SANBR: variants seen among roughly 807,000 people sequenced by gnomAD.
The protein encoded by SANBR is SANT and BTB domain regulator of class switch recombination.
In SANBR, 77 loss-of-function variants were observed where a neutral mutation model predicts 101.8. The ratio of observed to expected loss-of-function variants is 0.76; its 90% CI spans 0.63 to 0.91. The LOEUF is 0.91. Among genes scored for constraint, SANBR ranks in the 40% least tolerant of loss-of-function variants. The pLI, the probability that SANBR is intolerant of heterozygous loss-of-function variation, is 0.00. For missense variants in SANBR, 875 were observed against 853.0 expected (o/e 1.03, Z -0.32); for synonymous variants, 279 against 274.7 (o/e 1.02, Z -0.15).
At chr2:61,133,254 C>T (rs1428136332) in intron 20 of SANBR, among the ~76,000 whole-genome samples, 1 of 151,182 alleles carries the variant, frequency 6.6e-6, no homozygotes, top group Non-Finnish European at 1.5e-5. Flanking sequence ...AAGACTCTGT[C>T]TCAAAAAAAA....
intron 16 of SANBR, among the ~76,000 whole-genome samples, chr2:61,115,102 T>G (rs1045335860): frequency 2.6e-5 from 4 of 151,956 alleles, no homozygotes; most frequent in Non-Finnish European, 4.4e-5. Flanking sequence ...TCTGAAAGAG[T>G]TTGTGTAGGA....
intron 19 of SANBR, 24 bp from the exon 20 acceptor site, chr2:61,118,004 A>G (rs769304682): frequency 6.4e-7 from 1 of 1,570,322 alleles, no homozygotes; most frequent in Admixed American, 1.7e-5. Flanking sequence ...TGAAAAGTAA[A>G]GTTTACTGTT....
At chr2:61,097,896 A>AT (rs752052120) in intron 12 of SANBR, 44 bp downstream of exon 12, 1 of 1,506,902 alleles carries the variant, frequency 6.6e-7, no homozygotes, top group Non-Finnish European at 9.1e-7. Context: ...TTTTTAAAGT[A>AT]TAACAGTAAT....
chr2:61,077,255 C>T (rs961690486), intron 6 of SANBR, 97 bp downstream of exon 6: 30 of 821,852 alleles, frequency 3.7e-5, no homozygotes, highest in Non-Finnish European at 5.3e-5. Context: ...TGTTTGGACA[C>T]CGGTGTTTAT....
chr2:61,114,034 T>C (rs1683958564), intron 16 of SANBR, among the ~76,000 whole-genome samples: 1 of 152,190 alleles, frequency 6.6e-6, no homozygotes, highest in Non-Finnish European at 1.5e-5. Flanking sequence ...ATTAGGTACA[T>C]TGATTGATTT....
intron 11 of SANBR, among the ~76,000 whole-genome samples, chr2:61,094,789 A>G (rs979700422): frequency 4.6e-5 from 7 of 152,026 alleles, no homozygotes; most frequent in African/African-American, 1.2e-4. Flanking sequence ...GATTACTGGC[A>G]TGCGCCACAT....
intron 2 of SANBR, among the ~76,000 whole-genome samples, chr2:61,069,290 T>C (rs1681336427): frequency 6.6e-6 from 1 of 152,228 alleles, no homozygotes; most frequent in African/African-American, 2.4e-5. Context: ...ATCTTCAAAG[T>C]GCTTTCACAA....
At chr2:61,120,488 C>T (rs187847954) in intron 20 of SANBR, among the ~76,000 whole-genome samples, 20 of 152,186 alleles carry the variant, frequency 1.3e-4, no homozygotes, top group African/African-American at 2.2e-4. Context: ...CAACACAGAG[C>T]GATACTCCAT....
Position 61,123,733 on chromosome 2 carries a change from C to T in SANBR, c.*1571C>T. The T allele has an allele frequency of 1.0e-6, 1 of 985,452 alleles. No homozygotes were observed. The highest frequency in any genetic ancestry group is 1.2e-6 in the Non-Finnish European group (1 of 829,852). The allele number at this position is 985,452 out of a possible 1,614,324, so 61.0% of individuals were successfully genotyped here. On this transcript the variant is annotated 3_prime_UTR_variant, in exon 22 of 22. Coordinates refer to ENST00000402291, the MANE Select transcript of SANBR (RefSeq NM_001129993.3). ...TGGTAAAAAGGCAAACTGCTTCTCC[C>T]CTGGGAGGCCTATACCACTGAATTA...
intron 16 of SANBR, among the ~76,000 whole-genome samples, chr2:61,115,283 G>T (rs545934047): frequency 6.6e-6 from 1 of 151,754 alleles, no homozygotes; most frequent in Admixed American, 6.6e-5. Flanking sequence ...TGTCTTTCAA[G>T]GAATTTTATC....
At chr2:61,117,218 T>A in intron 17 of SANBR, 139 bp from the exon 18 acceptor site, 1 of 788,192 alleles carries the variant, frequency 1.3e-6, no homozygotes, top group Non-Finnish European at 2.2e-6. Context: ...TGGTGCAAGG[T>A]TTAAATGAAA....
intron 8 of SANBR, among the ~76,000 whole-genome samples, chr2:61,085,757 C>T (rs112487108): frequency 3.9e-5 from 6 of 152,058 alleles, no homozygotes; most frequent in Middle Eastern, 6.8e-3. Flanking sequence ...GTGATCCGCC[C>T]GCCTCGGCCT....
At chr2:61,130,325 TAGA>T (rs1453532662) in intron 20 of SANBR, among the ~76,000 whole-genome samples, 1 of 152,148 alleles carries the variant, frequency 6.6e-6, no homozygotes, top group African/African-American at 2.4e-5. Flanking sequence ...AGCAAATTAT[TAGA>T]AGGACACAAA....
At chr2:61,099,577 C>G (rs1011836971) in intron 12 of SANBR, among the ~76,000 whole-genome samples, 7 of 152,128 alleles carry the variant, frequency 4.6e-5, no homozygotes, top group Non-Finnish European at 7.3e-5. Flanking sequence ...CTGAGATAAC[C>G]AGGCAGAGGC....
chr2:61,114,644 T>C (rs905825551), intron 16 of SANBR, among the ~76,000 whole-genome samples: 1 of 152,192 alleles, frequency 6.6e-6, no homozygotes, highest in African/African-American at 2.4e-5. Context: ...TATATATACA[T>C]GCATGTGTAT....
At chr2:61,080,729 AC>A (rs1284505486) in intron 6 of SANBR, among the ~76,000 whole-genome samples, 4 of 151,844 alleles carry the variant, frequency 2.6e-5, no homozygotes, top group African/African-American at 9.7e-5. Flanking sequence ...CAAAAAAAAA[AC>A]AACAACAAAA....
Position 61,122,203 on chromosome 2 carries a change from C to A in SANBR, c.*41C>A, listed in dbSNP as rs969583397. 3.9e-6 allele frequency: 6 copies of A among 1,526,362 alleles called. No homozygotes were observed. Among genetic ancestry groups the A allele is most frequent in the Non-Finnish European group, 5.3e-6 (6 of 1,135,588 alleles). 94.6% of individuals were successfully genotyped at this position (1,526,362 alleles called of 1,614,324 possible). Reference sequence around the variant, plus strand: ...AAGTAAAAAGAGAGAAGGCACTCTTCTGGACATCTGAAATTGCTCACTTCT... The same window carrying A: ...AAGTAAAAAGAGAGAAGGCACTCTTATGGACATCTGAAATTGCTCACTTCT... On this transcript the variant is annotated 3_prime_UTR_variant, in exon 22 of 22. Transcript: ENST00000402291.
chr2:61,083,608 G>A (rs944184507), intron 8 of SANBR, among the ~76,000 whole-genome samples: 4 of 151,644 alleles, frequency 2.6e-5, no homozygotes, highest in African/African-American at 7.3e-5. Flanking sequence ...AGTGGCTCAC[G>A]CTTGTAATCC....
chr2:61,100,954 G>C (rs755716396), intron 12 of SANBR, among the ~76,000 whole-genome samples: 1 of 152,174 alleles, frequency 6.6e-6, no homozygotes, highest in Non-Finnish European at 1.5e-5. Flanking sequence ...TTAGGATTTT[G>C]CCAGATGGGG....
Sources: allele counts gnomAD v4.1 joint callset (sites outside exome capture counted in the v4.1 genomes callset), GRCh38; gene constraint gnomAD v4.1.1; transcripts MANE v1.5; gene names NCBI Gene and HGNC (gene_info 2026-07-23, HGNC 2026-07-21).